PCDH7: variants seen among roughly 807,000 people sequenced by gnomAD.
PCDH7 encodes the protein protocadherin 7.
In PCDH7, 17 loss-of-function variants were observed where a neutral mutation model predicts 58.9. That is an observed-to-expected ratio of 0.29 (90% CI 0.20 to 0.43). The LOEUF (loss-of-function observed/expected upper bound fraction) is 0.43, where lower values mean the gene tolerates loss of function less well. Ranked by LOEUF, PCDH7 falls within the 20% of genes least tolerant of loss-of-function variation. The probability of loss-of-function intolerance (pLI) is 1.00; values close to 1 mark genes in which losing one functional copy is unlikely to be tolerated. For synonymous variants in PCDH7, 664 were observed against 616.4 expected (o/e 1.08, Z -1.14); for missense variants, 1,274 against 1,441.0 (o/e 0.88, Z 1.88).
At chr4:31,121,370 T>C (rs537979450) in intron 3 of PCDH7, among the ~76,000 whole-genome samples, 1 of 152,328 alleles carries the variant, frequency 6.6e-6, no homozygotes, top group South Asian at 2.1e-4. Context: ...ATAATTTGCT[T>C]CCTTAACTGT....
chr4:30,773,265 G>C (rs1263082548), intron 1 of PCDH7, among the ~76,000 whole-genome samples: 1 of 152,148 alleles, frequency 6.6e-6, no homozygotes, highest in African/African-American at 2.4e-5. Flanking sequence ...AAGTGAAAGA[G>C]CCAGAAGGGA....
chr4:30,739,809 A>G (rs931895882), intron 1 of PCDH7, among the ~76,000 whole-genome samples: 5 of 152,216 alleles, frequency 3.3e-5, no homozygotes, highest in Non-Finnish European at 5.9e-5. Context: ...AATTATGCTT[A>G]AGGTCTATTC....
At chr4:31,025,837 C>T (rs1359913135) in intron 3 of PCDH7, among the ~76,000 whole-genome samples, 2 of 152,180 alleles carry the variant, frequency 1.3e-5, no homozygotes, top group South Asian at 2.1e-4. Context: ...ATGGCACCCA[C>T]TGAAAGTATG....
chr4:30,775,317 T>G (rs1195396413), intron 1 of PCDH7, among the ~76,000 whole-genome samples: 3 of 152,200 alleles, frequency 2.0e-5, no homozygotes, highest in Non-Finnish European at 2.9e-5. Context: ...GCAAGCATTA[T>G]GTAATCATGC....
intron 1 of PCDH7, among the ~76,000 whole-genome samples, chr4:30,877,502 A>G (rs1482871623): frequency 6.6e-6 from 1 of 152,138 alleles, no homozygotes; most frequent in Non-Finnish European, 1.5e-5. Flanking sequence ...AATAAAATAA[A>G]ATACGGTTTG....
chr4:30,886,873 A>T (rs1393724930), intron 1 of PCDH7, among the ~76,000 whole-genome samples: 1 of 148,108 alleles, frequency 6.8e-6, no homozygotes, highest in African/African-American at 2.5e-5. Context: ...TATTGCAAGA[A>T]CAAAAAACCA....
chr4:31,040,905 G>A (rs1755809620), intron 3 of PCDH7, among the ~76,000 whole-genome samples: 1 of 151,330 alleles, frequency 6.6e-6, no homozygotes, highest in South Asian at 2.1e-4. Flanking sequence ...AATGATGTGT[G>A]TGCTGAGAAA....
chr4:31,140,579 T>A (rs1281909295), intron 3 of PCDH7, among the ~76,000 whole-genome samples: 1 of 147,234 alleles, frequency 6.8e-6, no homozygotes, highest in Non-Finnish European at 1.5e-5. Context: ...TATCCTTTTT[T>A]CCCCCTGTTC....
intron 3 of PCDH7, among the ~76,000 whole-genome samples, chr4:31,109,806 A>C (rs1018334512): frequency 2.0e-5 from 3 of 152,228 alleles, no homozygotes; most frequent in Non-Finnish European, 1.5e-5. Flanking sequence ...TGCCATTGGT[A>C]CATTTCAGTA....
chr4:30,741,953 C>G (rs1021263), intron 1 of PCDH7, among the ~76,000 whole-genome samples: 132,863 of 152,212 alleles, frequency 0.87, 58,405 homozygotes, highest in African/African-American at 0.95. Flanking sequence ...GTAAGAACTT[C>G]ATGAAATTTA....
intron 1 of PCDH7, among the ~76,000 whole-genome samples, chr4:30,822,956 G>GA (rs533581281): frequency 2.6e-5 from 4 of 152,072 alleles, no homozygotes; most frequent in African/African-American, 7.2e-5. Flanking sequence ...GTAAGAACGG[G>GA]AAAAAAAGTA....
rs767194512 is a variant in PCDH7, at chr4:30,722,337, C to T, written c.915C>T (p.Ser305=). Residue 305 remains serine (S), a synonymous_variant, in exon 1 of 2, where the codon AGC becomes AGT. Transcript: ENST00000361762. The surrounding 1 kb of genome is among the most constrained non-coding windows in gnomAD (Gnocchi z 7.6). Reference sequence around the variant, plus strand: ...TCATCACCGACGTGAACGACAACAGCCCCCGCTTCGAGAAGAGCGTGTACG... The same window carrying T: ...TCATCACCGACGTGAACGACAACAGTCCCCGCTTCGAGAAGAGCGTGTACG... 28 of 1,611,464 alleles carry T rather than the reference C, an allele frequency of 1.7e-5. No homozygotes were observed. In the East Asian group the frequency reaches 3.8e-4, roughly 22 times the overall value.
At chr4:30,976,673 A>G (rs1174216807) in intron 3 of PCDH7, among the ~76,000 whole-genome samples, 4 of 152,102 alleles carry the variant, frequency 2.6e-5, no homozygotes, top group Non-Finnish European at 4.4e-5. Flanking sequence ...TGCTAGGATT[A>G]CAGGGGTGAG....
downstream of PCDH7, among the ~76,000 whole-genome samples, chr4:30,737,294 T>C (rs899527450): frequency 1.3e-5 from 2 of 152,242 alleles, no homozygotes; most frequent in African/African-American, 4.8e-5. Context: ...TCTAATTATC[T>C]ATGAATTTCT....
intron 2 of PCDH7, among the ~76,000 whole-genome samples, chr4:30,939,200 G>A (rs980952269): frequency 2.0e-5 from 3 of 152,144 alleles, no homozygotes; most frequent in African/African-American, 7.2e-5. Flanking sequence ...GGTGCTGACA[G>A]TTGGTATTTT....
intron 3 of PCDH7, among the ~76,000 whole-genome samples, chr4:31,116,228 C>A (rs1314407096): frequency 1.3e-5 from 2 of 152,146 alleles, no homozygotes; most frequent in African/African-American, 4.8e-5. Context: ...CATCATGGTA[C>A]CTGAGCACCC....
intron 3 of PCDH7, among the ~76,000 whole-genome samples, chr4:31,065,083 T>G (rs975753121): frequency 6.6e-6 from 1 of 152,006 alleles, no homozygotes; most frequent in African/African-American, 2.4e-5. Flanking sequence ...ATCACCCCAA[T>G]GGTGCTTTTG....
intron 3 of PCDH7, among the ~76,000 whole-genome samples, chr4:31,064,105 A>T (rs1238290405): frequency 2.6e-5 from 4 of 152,010 alleles, no homozygotes; most frequent in African/African-American, 9.7e-5. Context: ...CCACATAATA[A>T]GTATCAGCAC....
intron 2 of PCDH7, among the ~76,000 whole-genome samples, chr4:30,949,734 A>C (rs1578392339): frequency 6.6e-6 from 1 of 152,208 alleles, no homozygotes; most frequent in East Asian, 1.9e-4. Context: ...TGAGATGATA[A>C]TCCTACTGTA....
Sources: gnomAD v4.1 joint callset for allele counts (sites outside exome capture counted in the v4.1 genomes callset) on GRCh38, gnomAD v4.1.1 for gene constraint, Gnocchi (gnomAD v3.1) non-coding constraint, MANE v1.5 for transcripts, NCBI Gene and HGNC (gene_info 2026-07-23, HGNC 2026-07-21) for gene names.